Variants in FAM193A observed in about 807,000 individuals in gnomAD.
The protein encoded by FAM193A is family with sequence similarity 193 member A.
In FAM193A, 22 loss-of-function variants were observed where a neutral mutation model predicts 126.5. That is an observed-to-expected ratio of 0.17 (90% CI 0.12 to 0.25). FAM193A has a LOEUF of 0.25. Among genes scored for constraint, FAM193A ranks in the 10% least tolerant of loss-of-function variants. FAM193A has a pLI of 1.00. For synonymous variants in FAM193A, 761 were observed against 646.8 expected (o/e 1.18, Z -2.68); for missense variants, 1,675 against 1,672.8 (o/e 1.00, Z -0.02).
chr4:2,607,915 A>C (rs1242726625), intron 2 of FAM193A: 1 of 1,124,412 alleles, frequency 8.9e-7, no homozygotes, highest in Non-Finnish European at 1.3e-6. Context: ...GTTTTTCACT[A>C]TGTGATGGTG....
intron 1 of FAM193A, among the ~76,000 whole-genome samples, chr4:2,563,770 A>G (rs1738774771): frequency 6.6e-6 from 1 of 152,222 alleles, no homozygotes; most frequent in Admixed American, 6.5e-5. Flanking sequence ...ACTTTTATTA[A>G]TGACAAGCCA....
chr4:2,627,444 C>T lies in FAM193A; in HGVS notation c.803+867C>T, dbSNP rs551170913. Among the ~76,000 whole-genome samples, 24 of 74,436 alleles carry T rather than the reference C, an allele frequency of 3.2e-4. 2 individuals are homozygous for T. Among genetic ancestry groups the T allele is most frequent in the African/African-American group, 6.2e-4 (20 of 32,078 alleles). 48.8% of individuals were successfully genotyped at this position (74,436 alleles called of 152,430 possible). A position where few individuals can be genotyped will look rare whatever the true frequency, so the allele number is the denominator to read the frequency against. On this transcript the variant is annotated intron_variant, in intron 4 of 20. Transcript: ENST00000637812. The stretch of plus-strand genomic sequence containing the variant: ...GATTACAGGCGTGAGCCACTGCGTC[C>T]GGCAACATAACATATTTTTATGTTT...
At chr4:2,623,592 C>G (rs1172631735) in intron 2 of FAM193A, among the ~76,000 whole-genome samples, 1 of 152,236 alleles carries the variant, frequency 6.6e-6, no homozygotes, top group East Asian at 1.9e-4. Flanking sequence ...CTGCCACAGG[C>G]CCTTGGGAGT....
chr4:2,606,882 T>C (rs543564842), intron 2 of FAM193A, among the ~76,000 whole-genome samples: 2 of 152,332 alleles, frequency 1.3e-5, no homozygotes, highest in South Asian at 2.1e-4. Context: ...AGAAAAATTA[T>C]GATTATGAGA....
At chr4:2,580,215 C>T (rs1224387856) in intron 1 of FAM193A, among the ~76,000 whole-genome samples, 3 of 152,128 alleles carry the variant, frequency 2.0e-5, no homozygotes, top group East Asian at 3.9e-4. Flanking sequence ...GCAGATTCTC[C>T]CTTATAAGTG....
chr4:2,675,390 AGTTCTATCAGCTTTT>A (rs1462767959), intron 13 of FAM193A, among the ~76,000 whole-genome samples: 2 of 152,214 alleles, frequency 1.3e-5, no homozygotes, highest in Admixed American at 1.3e-4. Flanking sequence ...CTCCTTGCAC[AGTTCTATCAGCTTTT>A]GCCCTACAAA....
chr4:2,693,841 A>T lies in FAM193A; in HGVS notation c.3059A>T (p.Asp1020Val). The T allele has an allele frequency of 1.2e-6, 2 of 1,614,188 alleles. No homozygotes were observed. Among genetic ancestry groups the T allele is most frequent in the Non-Finnish European group, 1.7e-6 (2 of 1,180,010 alleles). The change falls in exon 16 of 21, where the codon GAT (aspartate) becomes GTT (valine). Residue 1020 changes from aspartate to valine, a missense_variant. Physicochemically the swap from Asp to Val is radical, Grantham distance 152. This residue lies in a region of FAM193A where 1,186 missense variants were observed against 1,109.2 expected (regional missense o/e 1.07). Coordinates refer to ENST00000637812, the MANE Select transcript of FAM193A (RefSeq NM_001366318.2). ...FCPAPLPPAT[D>V]GSISAPPSVC... ...CCTGCACCCCTACCCCCGGCCACAG[A>T]TGGCTCCATTAGCGCCCCTCCAAGT... is the stretch of plus-strand genomic sequence containing the variant.
chr4:2,675,786 A>G (rs1335551597), intron 13 of FAM193A, among the ~76,000 whole-genome samples: 1 of 152,166 alleles, frequency 6.6e-6, no homozygotes, highest in Admixed American at 6.5e-5. Context: ...TTTACCTGTT[A>G]AACAATAACT....
intron 8 of FAM193A, among the ~76,000 whole-genome samples, 174 bp downstream of exon 8, chr4:2,658,054 A>C (rs1045640732): frequency 6.6e-6 from 1 of 152,204 alleles, no homozygotes; most frequent in African/African-American, 2.4e-5. Flanking sequence ...AGATAAACTA[A>C]TTTTCACCTA....
At chr4:2,625,559 G>A (rs1384413103) in intron 3 of FAM193A, 164 bp downstream of exon 3, 4 of 456,176 alleles carry the variant, frequency 8.8e-6, no homozygotes, top group African/African-American at 2.0e-5. Flanking sequence ...GACAAAAACT[G>A]TTGCTCTTGA....
At chr4:2,663,048 T>G in intron 11 of FAM193A, 57 bp downstream of exon 11, 2 of 1,597,038 alleles carry the variant, frequency 1.3e-6, no homozygotes, top group Non-Finnish European at 1.7e-6. Flanking sequence ...TGGTCTGACA[T>G]TTTAATATTT....
intron 2 of FAM193A, among the ~76,000 whole-genome samples, chr4:2,623,711 C>T (rs1266742187): frequency 2.0e-5 from 3 of 152,200 alleles, no homozygotes; most frequent in East Asian, 3.8e-4. Flanking sequence ...GGCCACCACC[C>T]GTCTCTCTGG....
intron 20 of FAM193A, among the ~76,000 whole-genome samples, chr4:2,717,025 G>A (rs2109377159): frequency 6.6e-6 from 1 of 151,560 alleles, no homozygotes; most frequent in African/African-American, 2.4e-5. Context: ...TGTCACCCAG[G>A]CTAGAGTGCA....
chr4:2,610,329 T>G (rs1741790215), intron 2 of FAM193A, among the ~76,000 whole-genome samples: 1 of 150,766 alleles, frequency 6.6e-6, no homozygotes, highest in Admixed American at 6.6e-5. Context: ...AGGCATATAG[T>G]CCCAACTTAA....
chr4:2,714,060 C>T (rs562644880), intron 19 of FAM193A, among the ~76,000 whole-genome samples: 110 of 152,276 alleles, frequency 7.2e-4, no homozygotes, highest in Admixed American at 3.9e-3. Context: ...ACAGCACTTC[C>T]AGCAGACATG....
intron 1 of FAM193A, among the ~76,000 whole-genome samples, chr4:2,558,393 A>C (rs1738396473): frequency 6.6e-6 from 1 of 152,166 alleles, no homozygotes; most frequent in African/African-American, 2.4e-5. Context: ...ATTGTCTACG[A>C]GTTACTAGTT....
At chr4:2,601,670 C>G (rs1741204495) in intron 2 of FAM193A, among the ~76,000 whole-genome samples, 1 of 151,250 alleles carries the variant, frequency 6.6e-6, no homozygotes, top group African/African-American at 2.4e-5. Flanking sequence ...AGGAGGATTG[C>G]TTGAGGCCAG....
At position 2,537,118 on chromosome 4, in the gene FAM193A, C is replaced by G. The variant is rs1736923575; in HGVS notation, c.203C>G (p.Pro68Arg). The G allele has an allele frequency of 5.7e-6, 1 of 175,898 alleles. No individual in the cohort carries two copies. The highest frequency in any genetic ancestry group is 1.2e-5 in the Non-Finnish European group (1 of 84,526). 10.9% of individuals were successfully genotyped at this position (175,898 alleles called of 1,614,324 possible). ...GGCGGCGCGGCGGCGGCCAACGGGC[C>G]TCTCGGCGCGGGCGCGAGCGCGGGC... ...LVGGAAAANG[P>R]LGAGASAGGA... Residue 68 changes from proline (P) to arginine (R), a missense_variant, in exon 1 of 21, where the codon CCT becomes CGT. Physicochemically the swap from Pro to Arg is moderately radical, Grantham distance 103. This residue lies in a region of FAM193A where 1,186 missense variants were observed against 1,109.2 expected (regional missense o/e 1.07). Transcript: ENST00000637812.
At position 2,657,934 on chromosome 4, in the gene FAM193A, G is replaced by C. The variant is rs963428237; in HGVS notation, c.1389+54G>C. 1.1e-5 allele frequency: 13 copies of C among 1,201,210 alleles called. No homozygotes were observed. In the Admixed American group the frequency reaches 2.0e-4, roughly 19 times the overall value. The allele number at this position is 1,201,210 out of a possible 1,614,324, so 74.4% of individuals were successfully genotyped here. A position where few individuals can be genotyped will look rare whatever the true frequency, so the allele number is the denominator to read the frequency against. On this transcript the variant is annotated intron_variant, in intron 8 of 20. Coordinates refer to ENST00000637812, the MANE Select transcript of FAM193A (RefSeq NM_001366318.2). ...AAGGAAGTAGAAATCTGTCCTGACAGCAAATGACTTCTCTGCATGTTGATG... is the reference window on the plus strand; with the variant it reads ...AAGGAAGTAGAAATCTGTCCTGACACCAAATGACTTCTCTGCATGTTGATG...
Sources: allele counts gnomAD v4.1 joint callset (sites outside exome capture counted in the v4.1 genomes callset), GRCh38; gene constraint gnomAD v4.1.1; regional missense constraint gnomAD v4.1.1; transcripts MANE v1.5; gene names NCBI Gene and HGNC (gene_info 2026-07-23, HGNC 2026-07-21).